The following MYCBP variants were observed in gnomAD, a reference collection of about 807,000 sequenced individuals.
MYCBP encodes the protein C-Myc-binding protein.
In MYCBP, 5 loss-of-function variants were observed where a neutral mutation model predicts 16.8. The ratio of observed to expected loss-of-function variants is 0.30; its 90% CI spans 0.16 to 0.63. MYCBP has a LOEUF of 0.63. MYCBP is among the 20% of genes least tolerant of loss of function. The probability of loss-of-function intolerance (pLI) is 0.83; values close to 1 mark genes in which losing one functional copy is unlikely to be tolerated. For missense variants in MYCBP, 103 were observed against 121.8 expected (o/e 0.85, Z 0.73); for synonymous variants, 35 against 43.7 (o/e 0.80, Z 0.79).
At chr1:38,871,427 CTTTTTTTTTT>C (rs71573793) in intron 2 of MYCBP, among the ~76,000 whole-genome samples, 1 of 110,606 alleles carries the variant, frequency 9.0e-6, no homozygotes, top group Non-Finnish European at 1.8e-5. Flanking sequence ...CCACCTGTCA[CTTTTTTTTTT>C]TTTTTTTTTT....
intron 2 of MYCBP, among the ~76,000 whole-genome samples, chr1:38,870,799 CAAAAAAAAA>C (rs60684785): frequency 1.2e-4 from 7 of 60,684 alleles, no homozygotes; most frequent in South Asian, 2.3e-3. Flanking sequence ...GACTCCGTCT[CAAAAAAAAA>C]AAAAAAAAAA....
In MYCBP at chr1:38,873,340, A is replaced by C. The variant is rs1642510406; in HGVS notation, c.-35T>G. The C allele has an allele frequency of 6.3e-7, 1 of 1,598,122 alleles. No homozygotes were observed. The highest frequency in any genetic ancestry group is 8.5e-7 in the Non-Finnish European group (1 of 1,177,824). The stretch of plus-strand genomic sequence containing the variant: ...GGCAGCGGCGTAGCTGGCGCCGGAG[A>C]CCGCGACTGGCGGGTTGGGAGCAGC... On this transcript the variant is annotated 5_prime_UTR_variant, in exon 1 of 5. Coordinates refer to ENST00000397572, the MANE Select transcript of MYCBP (RefSeq NM_012333.5).
chr1:38,868,857 G>T (rs1387969644), intron 2 of MYCBP, among the ~76,000 whole-genome samples: 5 of 152,184 alleles, frequency 3.3e-5, no homozygotes, highest in Non-Finnish European at 2.9e-5. Context: ...AGTGAGCCGA[G>T]ATCGTGCCAC....
intron 2 of MYCBP, 99 bp from the exon 3 acceptor site, chr1:38,867,709 C>T (rs938740657): frequency 2.1e-5 from 21 of 982,488 alleles, no homozygotes; most frequent in Admixed American, 7.7e-5. Flanking sequence ...GCCAACTATA[C>T]GCTGAGCACA....
rs559732045 is a variant in MYCBP at position 38,864,530 on chromosome 1, G to A, written c.*140C>T. On this transcript the variant is annotated 3_prime_UTR_variant, in exon 5 of 5. Transcript: ENST00000397572. ...ATTGAGTTTTTATTGATGATTCTATGTGTTTTTAACAGAGTGTGATAGGTG... is the reference window on the plus strand; with the variant it reads ...ATTGAGTTTTTATTGATGATTCTATATGTTTTTAACAGAGTGTGATAGGTG... 1.2e-6 allele frequency: 1 copy of A among 841,702 alleles called. No homozygotes were observed. The highest frequency in any genetic ancestry group is 1.7e-5 in the African/African-American group (1 of 58,270). The allele number at this position is 841,702 out of a possible 1,614,324, so 52.1% of individuals were successfully genotyped here. A position where few individuals can be genotyped will look rare whatever the true frequency, so the allele number is the denominator to read the frequency against.
chr1:38,872,136 CTT>C (rs1263416468), intron 2 of MYCBP, among the ~76,000 whole-genome samples: 1 of 152,196 alleles, frequency 6.6e-6, no homozygotes, highest in Non-Finnish European at 1.5e-5. Context: ...CTAAACTTTG[CTT>C]CTGTCCAAAG....
intron 2 of MYCBP, among the ~76,000 whole-genome samples, chr1:38,868,944 G>A (rs1642400514): frequency 6.6e-6 from 1 of 151,922 alleles, no homozygotes; most frequent in Non-Finnish European, 1.5e-5. Context: ...AAAAAACAGT[G>A]ATAGATATCT....
At chr1:38,867,119 T>C in intron 3 of MYCBP, 110 bp from the exon 4 acceptor site, 1 of 1,022,806 alleles carries the variant, frequency 9.8e-7, no homozygotes, top group South Asian at 1.5e-5. Flanking sequence ...CACCAATATC[T>C]ACCCAGAGAT....
intron 1 of MYCBP, 53 bp from the exon 2 acceptor site, chr1:38,873,143 A>AGGCGCTGGGAGTCCGGC: frequency 6.4e-7 from 1 of 1,551,710 alleles, no homozygotes; most frequent in Non-Finnish European, 8.7e-7. Context: ...AGCAGGAAGA[A>AGGCGCTGGGAGTCCGGC]GGCGCTGGGA....
intron 4 of MYCBP, among the ~76,000 whole-genome samples, chr1:38,866,382 T>C (rs934355627): frequency 2.6e-5 from 4 of 151,086 alleles, no homozygotes; most frequent in Non-Finnish European, 2.9e-5. Flanking sequence ...GCTTCTTTGC[T>C]TGTCCTATTT....
chr1:38,873,284 C>T lies in MYCBP; in HGVS notation c.15+7G>A, dbSNP rs759179155. On this transcript the variant is annotated splice_region_variant and intron_variant, in intron 1 of 4. Coordinates refer to ENST00000397572, the MANE Select transcript of MYCBP (RefSeq NM_012333.5). ...GCATGCCCCCAGCCACGCCGCGCCCCCCTCACTTTGTAATGGGCCATAGTG... is the reference window on the plus strand; with the variant it reads ...GCATGCCCCCAGCCACGCCGCGCCCTCCTCACTTTGTAATGGGCCATAGTG... 1.2e-6 allele frequency: 2 copies of T among 1,602,428 alleles called. No individual in the cohort carries two copies. The highest frequency in any genetic ancestry group is 2.2e-5 in the South Asian group (2 of 90,596).
In MYCBP at chr1:38,864,589, G is replaced by T. The variant is rs775532643; in HGVS notation, c.*81C>A. 7.2e-6 allele frequency: 10 copies of T among 1,386,414 alleles called. No homozygotes were observed. The Admixed American group carries it at 1.2e-4, about 16-fold the overall frequency. 85.9% of individuals were successfully genotyped at this position (1,386,414 alleles called of 1,614,324 possible). On this transcript the variant is annotated 3_prime_UTR_variant, in exon 5 of 5. Transcript: ENST00000397572. ...ATATTAAAAGAGTTCTATAGCATCT[G>T]TTCAGAAAAGATTATATACTATACA...
At position 38,870,799 on chromosome 1, in the gene MYCBP, CAAAAAAAAAAA is replaced by C. The variant is rs60684785; in HGVS notation, c.88+2208_88+2218del. On this transcript the variant is annotated intron_variant, in intron 2 of 4. Coordinates refer to ENST00000397572, the MANE Select transcript of MYCBP (RefSeq NM_012333.5). Reference sequence around the variant, plus strand: ...TGGGCGACAGAGCGAGACTCCGTCTCAAAAAAAAAAAAAAAAAAAAAAAAAAAAACAAATAG... The same window carrying C: ...TGGGCGACAGAGCGAGACTCCGTCTCAAAAAAAAAAAAAAAAAACAAATAG... 3.0e-4 allele frequency among the ~76,000 whole-genome samples: 18 copies of C among 60,686 alleles called. No individual in the cohort carries two copies. The East Asian group carries it at 0.011, about 36-fold the overall frequency. The allele number at this position is 60,686 out of a possible 152,430, so 39.8% of individuals were successfully genotyped here. A position where few individuals can be genotyped will look rare whatever the true frequency, so the allele number is the denominator to read the frequency against.
intron 2 of MYCBP, among the ~76,000 whole-genome samples, chr1:38,870,799 C>CAAAAAAAAAAAAAAAA (rs60684785): frequency 3.3e-5 from 2 of 60,684 alleles, no homozygotes; most frequent in Admixed American, 2.8e-4. Context: ...GACTCCGTCT[C>CAAAAAAAAAAAAAAAA]AAAAAAAAAA....
At chr1:38,871,461 C>T (rs1642466001) in intron 2 of MYCBP, among the ~76,000 whole-genome samples, 1 of 128,314 alleles carries the variant, frequency 7.8e-6, no homozygotes. Context: ...GACAGAGTGT[C>T]ACTGTTGCCC....
At chr1:38,865,762 A>G (rs570085266) in intron 4 of MYCBP, among the ~76,000 whole-genome samples, 7 of 152,310 alleles carry the variant, frequency 4.6e-5, no homozygotes, top group Admixed American at 6.5e-5. Context: ...TGACTGCACC[A>G]CTGCACACAA....
rs546300238 is a variant in MYCBP at position 38,862,516 on chromosome 1, T to G, written c.*2154A>C. On this transcript the variant is annotated 3_prime_UTR_variant, in exon 5 of 5. Coordinates refer to ENST00000397572, the MANE Select transcript of MYCBP (RefSeq NM_012333.5). ...ACTTTTACATCCATTATATTTAATT[T>G]GATTCTTACAACCAACTTGTGAGAT... is the stretch of plus-strand genomic sequence containing the variant. 6.6e-6 allele frequency among the ~76,000 whole-genome samples: 1 copy of G among 152,362 alleles called. No homozygotes were observed. The highest frequency in any genetic ancestry group is 1.5e-5 in the Non-Finnish European group (1 of 68,030).
intron 3 of MYCBP, 78 bp downstream of exon 3, chr1:38,867,484 G>A: frequency 1.9e-6 from 2 of 1,042,638 alleles, no homozygotes; most frequent in Non-Finnish European, 2.8e-6. Flanking sequence ...TCAATATTCA[G>A]AAGTATTTTA....
intron 3 of MYCBP, among the ~76,000 whole-genome samples, 161 bp from the exon 4 acceptor site, chr1:38,867,170 G>A (rs1000003932): frequency 4.6e-5 from 7 of 152,198 alleles, no homozygotes; most frequent in African/African-American, 7.2e-5. Flanking sequence ...TTCTTGGCCA[G>A]GTGCGGTTGC....
Sources: gnomAD v4.1 joint callset for allele counts (sites outside exome capture counted in the v4.1 genomes callset) on GRCh38, gnomAD v4.1.1 for gene constraint, MANE v1.5 for transcripts, NCBI Gene and HGNC (gene_info 2026-07-23, HGNC 2026-07-21) for gene names.